The following KIN variants were observed in gnomAD, a reference collection of about 807,000 sequenced individuals.
KIN encodes DNA/RNA-binding protein KIN17.
KIN carries 47 observed loss-of-function variants against 63.0 expected under a neutral mutation model. The observed-to-expected ratio is 0.75, with a 90% CI of 0.59 to 0.95. The LOEUF (loss-of-function observed/expected upper bound fraction) is 0.95. Ranked by LOEUF, KIN falls within the 40% of genes least tolerant of loss-of-function variation. The probability of loss-of-function intolerance (pLI) is 0.00; values close to 1 mark genes in which losing one functional copy is unlikely to be tolerated. For synonymous variants in KIN, 160 were observed against 157.7 expected, an observed-to-expected ratio of 1.01 and a Z score of -0.11; for missense variants, 408 against 460.9, an observed-to-expected ratio of 0.89 and a Z score of 1.05.
At chr10:7,786,027 T>C (rs1304367081) in intron 1 of KIN, among the ~76,000 whole-genome samples, 1 of 152,130 alleles carries the variant, frequency 6.6e-6, no homozygotes, top group East Asian at 1.9e-4. Flanking sequence ...ACACCAAGAG[T>C]GAACCCTAAT....
chr10:7,779,130 G>A (rs1182819936), intron 4 of KIN, 111 bp from the exon 5 acceptor site: 15 of 1,250,164 alleles, frequency 1.2e-5, no homozygotes, highest in East Asian at 7.1e-5. Context: ...AAATCAGGCC[G>A]AGCGCAGTGG....
intron 2 of KIN, 25 bp downstream of exon 2, chr10:7,783,056 A>G (rs894641666): frequency 1.6e-6 from 2 of 1,276,936 alleles, no homozygotes; most frequent in East Asian, 4.7e-5. Context: ...AGCCTATAAG[A>G]TAAAGAGTTC....
In KIN at chr10:7,775,798, T is replaced by G. The variant is rs1308448539; in HGVS notation, c.560A>C (p.Glu187Ala). The change falls in exon 6 of 13, where the codon GAG becomes GCG. Residue 187 changes from glutamate to alanine, a missense_variant and splice_region_variant. Glu to Ala is a moderately radical substitution (Grantham distance 107). Transcript: ENST00000379562. ...GCTTAATTCCGTAAAAGTAGGGACCTCCTAAAAAAAAGAAAGTTTTAAGGT... is the reference window on the plus strand; with the variant it reads ...GCTTAATTCCGTAAAAGTAGGGACCGCCTAAAAAAAAGAAAGTTTTAAGGT... ...VRRGLEGKEQ[E>A]VPTFTELSRE... 1 of 1,544,570 alleles carries G rather than the reference T, an allele frequency of 6.5e-7. No homozygotes were observed. The highest frequency in any genetic ancestry group is 2.3e-5 in the East Asian group (1 of 44,004).
Position 7,779,393 on chromosome 10 carries a change from G to A in KIN, c.377-374C>T, listed in dbSNP as rs140845354. Among the ~76,000 whole-genome samples the A allele has an allele frequency of 2.9e-3, 443 of 152,260 alleles. 2 individuals carry two copies. The highest frequency in any genetic ancestry group is 0.01 in the African/African-American group (427 of 41,540). The stretch of plus-strand genomic sequence containing the variant: ...CTGCACTTCAGCCTGGCAACAGAGC[G>A]AGACTCAGTCTCAAAAACAAAACAA... On this transcript the variant is annotated intron_variant, in intron 4 of 12. Coordinates refer to ENST00000379562, the MANE Select transcript of KIN (RefSeq NM_012311.4).
intron 4 of KIN, among the ~76,000 whole-genome samples, chr10:7,779,831 C>T (rs10905230): frequency 0.48 from 72,212 of 151,978 alleles, 17,831 homozygotes; most frequent in East Asian, 0.72. Context: ...AACTGTATTA[C>T]CTTGCATAGT....
At chr10:7,763,936 C>G (rs1256767486) in intron 9 of KIN, 145 bp from the exon 10 acceptor site, 4 of 527,678 alleles carry the variant, frequency 7.6e-6, no homozygotes, top group Non-Finnish European at 1.3e-5. Context: ...TCTCTGCCTT[C>G]CCAACAATGA....
rs1835238174 is a variant in KIN at position 7,751,031 on chromosome 10, CATTT to C, written c.*5045_*5048del. On this transcript the variant is annotated 3_prime_UTR_variant, in exon 13 of 13. Coordinates refer to ENST00000379562, the MANE Select transcript of KIN (RefSeq NM_012311.4). Reference sequence around the variant, plus strand: ...TTATGTTCTAACAAAAGACCAATGACATTTATAAGGGAGAATAAAATAAGCAACA... The same window carrying C: ...TTATGTTCTAACAAAAGACCAATGACATAAGGGAGAATAAAATAAGCAACA... The C allele has an allele frequency of 6.6e-6, 1 of 152,128 alleles. No homozygotes were observed. Among genetic ancestry groups the C allele is most frequent in the South Asian group, 2.1e-4 (1 of 4,826 alleles). 9.4% of individuals were successfully genotyped at this position (152,128 alleles called of 1,614,324 possible).
In KIN at chr10:7,766,075, C is replaced by T. The variant is rs776641280; in HGVS notation, c.827G>A (p.Arg276Gln). ...EIEEEKKRTA[R>Q]TDYWLQPEII... The stretch of plus-strand genomic sequence containing the variant: ...TACAGGCTGTAGCCAGTAGTCTGTT[C>T]GGGCAGTTCTTTTCTTTTCCTCTTC... The change falls in exon 9 of 13, where the codon CGA becomes CAA. Residue 276 changes from arginine to glutamine, a missense_variant. By Grantham distance (43) the Arg-to-Gln change is conservative (BLOSUM62 1). Transcript: ENST00000379562. 23 of 1,611,048 alleles carry T rather than the reference C, an allele frequency of 1.4e-5. No individual in the cohort carries two copies. The highest frequency in any genetic ancestry group is 1.2e-4 in the African/African-American group (9 of 74,792).
chr10:7,783,867 A>T, intron 1 of KIN, among the ~76,000 whole-genome samples: 1 of 151,954 alleles, frequency 6.6e-6, no homozygotes, highest in East Asian at 1.9e-4. Flanking sequence ...TCTACCTCCA[A>T]TTTAATAGGA....
intron 7 of KIN, among the ~76,000 whole-genome samples, chr10:7,770,131 A>G (rs1437864874): frequency 6.6e-6 from 1 of 152,166 alleles, no homozygotes; most frequent in Non-Finnish European, 1.5e-5. Context: ...GGGTTTCGCA[A>G]TGTTGGCCAG....
intron 2 of KIN, among the ~76,000 whole-genome samples, chr10:7,781,129 G>A (rs535681677): frequency 6.6e-6 from 1 of 152,298 alleles, no homozygotes; most frequent in South Asian, 2.1e-4. Context: ...TGAAGAAGAA[G>A]TGTAACAAAA....
In KIN at chr10:7,780,021, G is replaced by A. The variant is rs757654133; in HGVS notation, c.376+35C>T. On this transcript the variant is annotated intron_variant, in intron 4 of 12. Coordinates refer to ENST00000379562, the MANE Select transcript of KIN (RefSeq NM_012311.4). ...TCTCATCCTATGAAGATTAGAAGTG[G>A]GAAAGAAAAAGCAACTTTAAAATCT... 4 of 1,596,274 alleles carry A rather than the reference G, an allele frequency of 2.5e-6. No homozygotes were observed. The South Asian group carries it at 4.4e-5, about 18-fold the overall frequency.
At chr10:7,775,444 C>T (rs543883493) in intron 6 of KIN, among the ~76,000 whole-genome samples, 26 of 152,284 alleles carry the variant, frequency 1.7e-4, no homozygotes, top group Admixed American at 1.1e-3. Flanking sequence ...CTGCATGTGA[C>T]GGCTGGAGTG....
Position 7,775,749 on chromosome 10 carries a change from A to T in KIN, c.607+2T>A. 6.7e-7 allele frequency: 1 copy of T among 1,496,314 alleles called. No homozygotes were observed. The highest frequency in any genetic ancestry group is 9.1e-7 in the Non-Finnish European group (1 of 1,100,200). 92.7% of individuals were successfully genotyped at this position (1,496,314 alleles called of 1,614,324 possible). ...AAAAGAAAAAATAAAAAATAAAACT[A>T]CCTTTCTCTTCATCATTTTCTCTGC... On this transcript the variant is annotated splice_donor_variant, in intron 6 of 12. Transcript: ENST00000379562. LOFTEE classifies it high-confidence loss of function.
At chr10:7,770,964 T>C (rs1041744261) in intron 7 of KIN, among the ~76,000 whole-genome samples, 1 of 152,202 alleles carries the variant, frequency 6.6e-6, no homozygotes, top group Non-Finnish European at 1.5e-5. Flanking sequence ...ATGGGGGTTG[T>C]TTTTCTTTAC....
chr10:7,783,569 A>T lies in KIN; in HGVS notation c.115-394T>A, dbSNP rs185629472. On this transcript the variant is annotated intron_variant, in intron 1 of 12. Coordinates refer to ENST00000379562, the MANE Select transcript of KIN (RefSeq NM_012311.4). The stretch of plus-strand genomic sequence containing the variant: ...TAAAATGGGTCATTAGTGAATTTTC[A>T]CCACAGAAACTACTTTCGCTCACTT... Among the ~76,000 whole-genome samples, 202 of 152,342 alleles carry T rather than the reference A, an allele frequency of 1.3e-3. 1 individual carries two copies. Among genetic ancestry groups the T allele is most frequent in the African/African-American group, 4.7e-3 (196 of 41,582 alleles).
At position 7,762,522 on chromosome 10, in the gene KIN, A is replaced by G; in HGVS notation, c.953T>C (p.Met318Thr). 1 of 1,611,218 alleles carries G rather than the reference A, an allele frequency of 6.2e-7. No individual in the cohort carries two copies. The highest frequency in any genetic ancestry group is 8.5e-7 in the Non-Finnish European group (1 of 1,178,092). ...VIDKYTAVVKMIDSGDKLKLD... is the reference protein window; with the variant it reads ...VIDKYTAVVKTIDSGDKLKLD... ...TTTCAGCTTGTCTCCAGAATCAATC[A>G]TCTTCACAACAGCTGTATATTTGTC... Residue 318 changes from methionine (M) to threonine (T), a missense_variant, in exon 11 of 13, where the codon ATG (methionine) becomes ACG (threonine). Physicochemically the swap from Met to Thr is moderately conservative, Grantham distance 81. Coordinates refer to ENST00000379562, the MANE Select transcript of KIN (RefSeq NM_012311.4).
rs1026990109 is a variant in KIN at position 7,762,450 on chromosome 10, G to C, written c.1018+7C>G. 1 of 1,567,082 alleles carries C rather than the reference G, an allele frequency of 6.4e-7. No individual in the cohort carries two copies. The highest frequency in any genetic ancestry group is 1.4e-5 in the African/African-American group (1 of 73,972). On this transcript the variant is annotated splice_region_variant and intron_variant, in intron 11 of 12. Transcript: ENST00000379562. ...ATATGTATTAAATGGTCTGCAAACA[G>C]ATTTACCTGGTGCTGGAATTACTGT...
chr10:7,767,022 C>CA (rs377478697), intron 8 of KIN, among the ~76,000 whole-genome samples: 9,274 of 120,654 alleles, frequency 0.077, 343 homozygotes, highest in South Asian at 0.16. Flanking sequence ...CACTCCATCT[C>CA]AAAAAAAAAA....
Sources: gnomAD v4.1 joint callset for allele counts (sites outside exome capture counted in the v4.1 genomes callset) on GRCh38, gnomAD v4.1.1 for gene constraint, MANE v1.5 for transcripts, NCBI Gene and HGNC (gene_info 2026-07-23, HGNC 2026-07-21) for gene names.